The following HIVEP3 variants were observed in gnomAD, a reference collection of about 807,000 sequenced individuals.
HIVEP3 encodes transcription factor HIVEP3.
HIVEP3 carries 49 observed loss-of-function variants against 152.8 expected under a neutral mutation model. The observed-to-expected ratio is 0.32, with a 90% CI of 0.26 to 0.41. The LOEUF is 0.41. HIVEP3 is among the 10% of genes least tolerant of loss of function. The pLI, the probability that HIVEP3 is intolerant of heterozygous loss-of-function variation, is 1.00. For synonymous variants in HIVEP3, 1,269 were observed against 1,289.0 expected (o/e 0.98, Z 0.33); for missense variants, 2,790 against 3,103.3 (o/e 0.90, Z 2.40).
intron 2 of HIVEP3, among the ~76,000 whole-genome samples, chr1:41,642,900 C>A (rs1645396901): frequency 6.6e-6 from 1 of 152,120 alleles, no homozygotes; most frequent in African/African-American, 2.4e-5. Context: ...GACTCTGAGT[C>A]TCAGCATGGG....
chr1:41,787,594 C>T (rs1272619488), intron 1 of HIVEP3, among the ~76,000 whole-genome samples: 2 of 147,846 alleles, frequency 1.4e-5, no homozygotes, highest in Non-Finnish European at 3.0e-5. Context: ...AGTGCAGTGG[C>T]ATGATCATAG....
At chr1:41,652,999 C>T (rs1645574552) in intron 2 of HIVEP3, among the ~76,000 whole-genome samples, 1 of 150,284 alleles carries the variant, frequency 6.7e-6, no homozygotes, top group Non-Finnish European at 1.5e-5. Context: ...CATTTGCATG[C>T]CATTTTTCTT....
At chr1:41,680,710 T>G (rs1646025476) in intron 2 of HIVEP3, among the ~76,000 whole-genome samples, 1 of 152,276 alleles carries the variant, frequency 6.6e-6, no homozygotes, top group East Asian at 1.9e-4. Flanking sequence ...TGAAGCCAGA[T>G]GAAGCAGCTC....
intron 2 of HIVEP3, among the ~76,000 whole-genome samples, chr1:41,694,613 G>A (rs906932828): frequency 6.6e-6 from 1 of 152,174 alleles, no homozygotes; most frequent in Non-Finnish European, 1.5e-5. Context: ...TGAGAGAAGT[G>A]GCTCACTACT....
intron 3 of HIVEP3, among the ~76,000 whole-genome samples, chr1:41,605,647 C>T (rs909945886): frequency 6.6e-5 from 10 of 151,824 alleles, no homozygotes; most frequent in East Asian, 1.9e-4. Context: ...TGGGGAGGGA[C>T]GGCTCACCAG....
At chr1:41,813,897 C>T (rs1651111475) in intron 1 of HIVEP3, among the ~76,000 whole-genome samples, 1 of 152,228 alleles carries the variant, frequency 6.6e-6, no homozygotes, top group African/African-American at 2.4e-5. Context: ...TCTTCCCCAA[C>T]CATTCAGCAC....
chr1:41,512,820 G>A lies in HIVEP3; in HGVS notation c.6401C>T (p.Pro2134Leu), dbSNP rs112311296. 2.5e-5 allele frequency: 38 copies of A among 1,493,328 alleles called. 1 individual carries two copies. Among genetic ancestry groups the A allele is most frequent in the African/African-American group, 2.0e-4 (14 of 71,500 alleles). The allele number at this position is 1,493,328 out of a possible 1,614,324, so 92.5% of individuals were successfully genotyped here. A position where few individuals can be genotyped will look rare whatever the true frequency, so the allele number is the denominator to read the frequency against. ...LSRSPETCAS[P>L]WQKAESRSPS... ...CCACCAGGGGCAGGAACTCACCCAC[G>A]GGGAGGCGCAGGTCTCTGGGCTTCT... is the stretch of plus-strand genomic sequence containing the variant. Residue 2134 changes from proline (P) to leucine (L), a missense_variant, in exon 8 of 9, where the codon CCG becomes CTG. Physicochemically the swap from Pro to Leu is moderately conservative, Grantham distance 98. Transcript: ENST00000372583.
At chr1:41,721,980 A>C (rs1646680038) in intron 1 of HIVEP3, among the ~76,000 whole-genome samples, 1 of 152,198 alleles carries the variant, frequency 6.6e-6, no homozygotes, top group Non-Finnish European at 1.5e-5. Flanking sequence ...ACAGACTCTC[A>C]ATGATGAAGC....
At chr1:41,966,232 C>G (rs997613341) in intron 1 of HIVEP3, among the ~76,000 whole-genome samples, 4 of 152,156 alleles carry the variant, frequency 2.6e-5, no homozygotes, top group African/African-American at 9.6e-5. Flanking sequence ...GAAGGAACCA[C>G]TAAAAATGAA....
chr1:41,874,571 A>G (rs1316413283), intron 1 of HIVEP3, among the ~76,000 whole-genome samples: 1 of 152,012 alleles, frequency 6.6e-6, no homozygotes, highest in African/African-American at 2.4e-5. Flanking sequence ...CACCAAACTC[A>G]CCACCACCTC....
chr1:42,034,165 A>G (rs1252379020), intron 1 of HIVEP3, among the ~76,000 whole-genome samples: 1 of 152,234 alleles, frequency 6.6e-6, no homozygotes, highest in Non-Finnish European at 1.5e-5. Flanking sequence ...TATTAGTCCA[A>G]AACAGATTTA....
At chr1:41,967,848 A>G (rs1570853160) in intron 1 of HIVEP3, among the ~76,000 whole-genome samples, 1 of 152,240 alleles carries the variant, frequency 6.6e-6, no homozygotes, top group African/African-American at 2.4e-5. Flanking sequence ...GTAAAAATTG[A>G]TAAAGGGGAT....
At chr1:41,724,912 C>T (rs945652797) in intron 1 of HIVEP3, among the ~76,000 whole-genome samples, 2 of 152,254 alleles carry the variant, frequency 1.3e-5, no homozygotes, top group African/African-American at 2.4e-5. Flanking sequence ...TGTGCTCTCA[C>T]ACCAAGACAA....
At chr1:41,559,505 C>T (rs1028338896) in intron 5 of HIVEP3, among the ~76,000 whole-genome samples, 54 of 152,262 alleles carry the variant, frequency 3.5e-4, no homozygotes, top group Non-Finnish European at 5.6e-4. Flanking sequence ...TCTCAACCTG[C>T]TTGGAATCCT....
intron 1 of HIVEP3, among the ~76,000 whole-genome samples, chr1:42,030,486 A>G (rs2124540541): frequency 6.6e-6 from 1 of 152,320 alleles, no homozygotes; most frequent in South Asian, 2.1e-4. Context: ...CTCCTAGCAA[A>G]GAACTCTAAG....
intron 1 of HIVEP3, among the ~76,000 whole-genome samples, chr1:42,035,258 C>T (rs1298573370): frequency 6.6e-6 from 1 of 152,244 alleles, no homozygotes; most frequent in Non-Finnish European, 1.5e-5. Context: ...GACCCGGGCG[C>T]CCTGCAGCAG....
chr1:41,680,748 A>G (rs190010686), intron 2 of HIVEP3, among the ~76,000 whole-genome samples: 175 of 152,382 alleles, frequency 1.1e-3, no homozygotes, highest in Non-Finnish European at 2.0e-3. Flanking sequence ...ATGTTGTATT[A>G]ATACCTGTCG....
chr1:41,986,739 C>T (rs1388497147), intron 1 of HIVEP3, among the ~76,000 whole-genome samples: 4 of 152,178 alleles, frequency 2.6e-5, no homozygotes, highest in Non-Finnish European at 4.4e-5. Flanking sequence ...CGCGCCCTGC[C>T]GAATAGGACA....
chr1:41,658,129 G>A (rs191199159), intron 2 of HIVEP3, among the ~76,000 whole-genome samples: 42 of 152,264 alleles, frequency 2.8e-4, no homozygotes, highest in African/African-American at 9.4e-4. Context: ...CCCTCTTCTG[G>A]AAGGTTCGAA....
Sources: gnomAD v4.1 joint callset for allele counts (sites outside exome capture counted in the v4.1 genomes callset) on GRCh38, gnomAD v4.1.1 for gene constraint, MANE v1.5 for transcripts, NCBI Gene and HGNC (gene_info 2026-07-23, HGNC 2026-07-21) for gene names.